The following RSRP1 variants were observed in gnomAD, a reference collection of about 807,000 sequenced individuals.
The protein encoded by RSRP1 is arginine and serine rich protein 1, also known as arginine/serine-rich protein 1.
RSRP1 carries 37 observed loss-of-function variants against 33.0 expected under a neutral mutation model. That is an observed-to-expected ratio of 1.12 (90% confidence interval 0.86 to 1.48). RSRP1 has a LOEUF of 1.48. RSRP1 is among the 40% of genes most tolerant of loss of function. The pLI, the probability that RSRP1 is intolerant of heterozygous loss-of-function variation, is 0.00. For synonymous variants in RSRP1, 167 were observed against 158.7 expected, an observed-to-expected ratio of 1.05 and a Z score of -0.40; for missense variants, 402 against 385.3, an observed-to-expected ratio of 1.04 and a Z score of -0.36.
rs553562627 is a variant in RSRP1 at position 25,320,177 on chromosome 1, G to C, written c.-67+17801C>G. Reference sequence around the variant, plus strand: ...CCTCCCAAAGTGCTGGGATTACAGGGATAAGCCACTGCGACCGGCCGACAA... The same window carrying C: ...CCTCCCAAAGTGCTGGGATTACAGGCATAAGCCACTGCGACCGGCCGACAA... On this transcript the variant is annotated intron_variant, in intron 1 of 1. Transcript: ENST00000561867. Among the ~76,000 whole-genome samples, 82 of 131,770 alleles carry C rather than the reference G, an allele frequency of 6.2e-4. 16 individuals carry two copies. The Middle Eastern group carries it at 0.012, about 20-fold the overall frequency. The allele number at this position is 131,770 out of a possible 152,430, so 86.4% of individuals were successfully genotyped here. A position where few individuals can be genotyped will look rare whatever the true frequency, so the allele number is the denominator to read the frequency against.
chr1:25,300,382 C>T (rs1391590486), intron 1 of RSRP1, among the ~76,000 whole-genome samples: 1 of 130,406 alleles, frequency 7.7e-6, no homozygotes. Context: ...CATGGTTGTA[C>T]ATTCCTGTAA....
chr1:25,262,554 C>A (rs147641452), intron 1 of RSRP1, among the ~76,000 whole-genome samples: 1,800 of 152,256 alleles, frequency 0.012, 35 homozygotes, highest in African/African-American at 0.041. Flanking sequence ...ATTACAGAGG[C>A]TGAGAAGTCC....
chr1:25,305,536 A>G (rs1376697347), intron 1 of RSRP1, among the ~76,000 whole-genome samples: 1 of 129,198 alleles, frequency 7.7e-6, no homozygotes, highest in East Asian at 2.0e-4. Flanking sequence ...AGCTGGGATT[A>G]CAGGTGCCCA....
intron 1 of RSRP1, among the ~76,000 whole-genome samples, chr1:25,301,960 T>G (rs1202570152): frequency 7.7e-6 from 1 of 130,624 alleles, no homozygotes; most frequent in Non-Finnish European, 1.8e-5. Flanking sequence ...GAACCCCATT[T>G]CTGCTAGTTG....
At chr1:25,245,440 AGGTTG>A in intron 2 of RSRP1, 139 bp from the exon 3 acceptor site, 2 of 1,242,482 alleles carry the variant, frequency 1.6e-6, no homozygotes, top group Non-Finnish European at 2.2e-6. Flanking sequence ...AGGTAAACTA[AGGTTG>A]CCCTTGAACA....
chr1:25,323,466 T>C (rs1167632589), intron 1 of RSRP1, among the ~76,000 whole-genome samples: 6 of 118,842 alleles, frequency 5.0e-5, no homozygotes, highest in African/African-American at 9.0e-5. Context: ...TTTTCTGTAA[T>C]TTTTTTGTTT....
In RSRP1 at chr1:25,274,696, T is replaced by C. The variant is rs2124584829; in HGVS notation, c.-66-27667A>G. ...ACTGAGCCTGGGCTTAACATTGCAT[T>C]GCCCTGGAGCCTAAAAGGGGAAACA... is the stretch of plus-strand genomic sequence containing the variant. On this transcript the variant is annotated intron_variant, in intron 1 of 1. Coordinates refer to the RSRP1 transcript ENST00000561867. 1.5e-5 allele frequency among the ~76,000 whole-genome samples: 2 copies of C among 133,474 alleles called. 1 individual carries two copies. Among genetic ancestry groups the C allele is most frequent in the African/African-American group, 5.1e-5 (2 of 39,242 alleles). The allele number at this position is 133,474 out of a possible 152,430, so 87.6% of individuals were successfully genotyped here.
intron 1 of RSRP1, among the ~76,000 whole-genome samples, chr1:25,322,645 C>A (rs1411151877): frequency 1.5e-5 from 2 of 129,232 alleles, no homozygotes; most frequent in African/African-American, 5.3e-5. Context: ...TGCACTCCAG[C>A]CTGGGTGACA....
In RSRP1 at chr1:25,261,491, G is replaced by A. The variant is rs184697947; in HGVS notation, c.-66-14462C>T. Reference sequence around the variant, plus strand: ...GCAATCTCGGCTCACTGCAATCTCCGCCTCCCAGGTTCACGCCATTCTCTT... The same window carrying A: ...GCAATCTCGGCTCACTGCAATCTCCACCTCCCAGGTTCACGCCATTCTCTT... On this transcript the variant is annotated intron_variant, in intron 1 of 1. Coordinates refer to the RSRP1 transcript ENST00000561867. 4.0e-3 allele frequency among the ~76,000 whole-genome samples: 603 copies of A among 149,236 alleles called. 6 individuals carry two copies. Among genetic ancestry groups the A allele is most frequent in the African/African-American group, 0.013 (532 of 40,444 alleles).
intron 4 of RSRP1, among the ~76,000 whole-genome samples, chr1:25,242,983 G>T (rs1449007583): frequency 6.6e-6 from 1 of 152,050 alleles, no homozygotes; most frequent in African/African-American, 2.4e-5. Flanking sequence ...TCAGCTACTC[G>T]GGAGGCTGAG....
At chr1:25,320,202 A>T (rs1282496282) in intron 1 of RSRP1, among the ~76,000 whole-genome samples, 1 of 131,620 alleles carries the variant, frequency 7.6e-6, no homozygotes, top group African/African-American at 2.6e-5. Flanking sequence ...CCGGCCGACA[A>T]ATTCTTAAAA....
In RSRP1 at chr1:25,242,524, G is replaced by T; in HGVS notation, c.*65C>A. The stretch of plus-strand genomic sequence containing the variant: ...GAATGGCTCAAAGGGATGGGATAAT[G>T]CTAGAAACACTAACTTGCAATAAAG... On this transcript the variant is annotated 3_prime_UTR_variant, in exon 5 of 5. Coordinates refer to ENST00000243189, the MANE Select transcript of RSRP1 (RefSeq NM_020317.5). 1 of 1,013,986 alleles carries T rather than the reference G, an allele frequency of 9.9e-7. No homozygotes were observed. The allele number at this position is 1,013,986 out of a possible 1,614,324, so 62.8% of individuals were successfully genotyped here.
intron 2 of RSRP1, 140 bp from the exon 3 acceptor site, chr1:25,245,441 G>A: frequency 8.1e-7 from 1 of 1,230,902 alleles, no homozygotes; most frequent in Non-Finnish European, 1.1e-6. Flanking sequence ...GGTAAACTAA[G>A]GTTGCCCTTG....
intron 1 of RSRP1, among the ~76,000 whole-genome samples, chr1:25,277,755 A>C: frequency 8.3e-6 from 1 of 120,316 alleles, no homozygotes; most frequent in Non-Finnish European, 2.0e-5. Flanking sequence ...GCTCACCGCA[A>C]CCTCCACCTC....
chr1:25,285,849 G>A (rs1467050004), intron 1 of RSRP1, among the ~76,000 whole-genome samples: 2 of 134,016 alleles, frequency 1.5e-5, no homozygotes, highest in Admixed American at 7.1e-5. Context: ...AGGCATCTTA[G>A]GGACCTCTCA....
Position 25,268,094 on chromosome 1 carries a change from T to C in RSRP1, c.-66-21065A>G, listed in dbSNP as rs1183979701. Reference sequence around the variant, plus strand: ...TTGGCATTCCAGAAATGGTAGCTGTTATTCAGCCAACAAATATTTATTGAG... The same window carrying C: ...TTGGCATTCCAGAAATGGTAGCTGTCATTCAGCCAACAAATATTTATTGAG... On this transcript the variant is annotated intron_variant, in intron 1 of 1. Transcript: ENST00000561867. 2.3e-4 allele frequency among the ~76,000 whole-genome samples: 31 copies of C among 133,994 alleles called. 5 individuals are homozygous for C. The highest frequency in any genetic ancestry group is 7.2e-4 in the Admixed American group (10 of 13,872). The allele number at this position is 133,994 out of a possible 152,430, so 87.9% of individuals were successfully genotyped here.
intron 1 of RSRP1, among the ~76,000 whole-genome samples, chr1:25,334,548 G>A (rs535405708): frequency 1.5e-5 from 2 of 133,072 alleles, no homozygotes; most frequent in East Asian, 3.9e-4. Flanking sequence ...CCCCAGTAGG[G>A]ACTGTGTGTG....
At chr1:25,260,109 T>C (rs1445164278) in intron 1 of RSRP1, among the ~76,000 whole-genome samples, 1 of 152,214 alleles carries the variant, frequency 6.6e-6, no homozygotes, top group Admixed American at 6.5e-5. Context: ...AACAGACAAT[T>C]GGTCAAAATG....
chr1:25,248,307 A>T (rs1639635698), upstream of RSRP1: 1 of 151,598 alleles, frequency 6.6e-6, no homozygotes, highest in Admixed American at 6.6e-5. Context: ...CACTTCTTGT[A>T]ATAAAGCATA....
Sources: gnomAD v4.1 joint callset for allele counts (sites outside exome capture counted in the v4.1 genomes callset) on GRCh38, gnomAD v4.1.1 for gene constraint, MANE v1.5 for transcripts, NCBI Gene and HGNC (gene_info 2026-07-23, HGNC 2026-07-21) for gene names.